The following PRKCH variants were observed in gnomAD, a reference collection of about 807,000 sequenced individuals.
The protein encoded by PRKCH is protein kinase C eta type.
Under a neutral mutation model 82.5 loss-of-function variants are expected in PRKCH, and 28 were observed. That is an observed-to-expected ratio of 0.34 (90% confidence interval 0.25 to 0.47). PRKCH has a LOEUF of 0.47. Ranked by LOEUF, PRKCH falls within the 20% of genes least tolerant of loss-of-function variation. The probability of loss-of-function intolerance (pLI) is 1.00; values close to 1 mark genes in which losing one functional copy is unlikely to be tolerated. For missense variants in PRKCH, 705 were observed against 881.8 expected (o/e 0.80, Z 2.54); for synonymous variants, 322 against 327.4 (o/e 0.98, Z 0.18).
At chr14:61,458,791 A>C (rs1385091369) in intron 9 of PRKCH, among the ~76,000 whole-genome samples, 2 of 152,048 alleles carry the variant, frequency 1.3e-5, no homozygotes, top group Non-Finnish European at 2.9e-5. Context: ...AAAGCTACAC[A>C]CTTTCAAACA....
At chr14:61,227,950 A>G (rs1020898538) in intron 1 of PRKCH, among the ~76,000 whole-genome samples, 1 of 152,182 alleles carries the variant, frequency 6.6e-6, no homozygotes, top group African/African-American at 2.4e-5. Flanking sequence ...TAAGTGTGGC[A>G]CCACAAACTT....
chr14:61,352,109 C>G (rs914464424), intron 1 of PRKCH, among the ~76,000 whole-genome samples: 24 of 152,108 alleles, frequency 1.6e-4, no homozygotes, highest in African/African-American at 5.6e-4. Flanking sequence ...CTGCTAACTG[C>G]TGTATGAACT....
intron 1 of PRKCH, 150 bp downstream of exon 1, chr14:61,322,614 T>C: frequency 8.8e-7 from 1 of 1,139,772 alleles, no homozygotes; most frequent in Non-Finnish European, 1.2e-6. Context: ...GCCGCGGCAC[T>C]GGTGACGCGA....
intron 9 of PRKCH, chr14:61,476,224 C>G (rs1297834229): frequency 1.3e-5 from 2 of 152,178 alleles, no homozygotes; most frequent in African/African-American, 4.8e-5. Context: ...AAAATGGTTC[C>G]TATTATGTTC....
At chr14:61,289,330 T>G (rs1379267519) in intron 1 of PRKCH, among the ~76,000 whole-genome samples, 1 of 152,214 alleles carries the variant, frequency 6.6e-6, no homozygotes, top group Non-Finnish European at 1.5e-5. Flanking sequence ...GTAGCCATCT[T>G]CAGCATCCTT....
intron 2 of PRKCH, among the ~76,000 whole-genome samples, chr14:61,424,900 TG>T (rs1435193773): frequency 7.9e-5 from 12 of 152,208 alleles, no homozygotes; most frequent in Non-Finnish European, 1.8e-4. Context: ...ACTCCAGTCA[TG>T]GCTAAAATGG....
chr14:61,433,291 T>A (rs1883511007), intron 2 of PRKCH, among the ~76,000 whole-genome samples: 1 of 152,102 alleles, frequency 6.6e-6, no homozygotes, highest in African/African-American at 2.4e-5. Flanking sequence ...CTAATATCCT[T>A]TAAGATTTTT....
intron 1 of PRKCH, among the ~76,000 whole-genome samples, chr14:61,287,396 A>G (rs368775319): frequency 5.7e-4 from 86 of 151,916 alleles, no homozygotes; most frequent in African/African-American, 2.1e-3. Context: ...TGTACTGGAA[A>G]GAAGAGAGGG....
At chr14:61,272,339 TCTTTC>T (rs1196240703) in intron 1 of PRKCH, among the ~76,000 whole-genome samples, 15 of 39,032 alleles carry the variant, frequency 3.8e-4, no homozygotes, top group African/African-American at 6.7e-4. Flanking sequence ...TTTTCTTTTT[TCTTTC>T]TTTTTTTTTT....
chr14:61,258,670 C>T (rs940168742), intron 1 of PRKCH, among the ~76,000 whole-genome samples: 1 of 152,142 alleles, frequency 6.6e-6, no homozygotes, highest in Non-Finnish European at 1.5e-5. Context: ...AATTAAAATG[C>T]CCAGACAATA....
At chr14:61,373,975 A>C (rs2046397334) in intron 1 of PRKCH, among the ~76,000 whole-genome samples, 2 of 152,134 alleles carry the variant, frequency 1.3e-5, no homozygotes, top group Admixed American at 1.3e-4. Context: ...GACAAAGGCA[A>C]GTCCCTTCCA....
intron 5 of PRKCH, among the ~76,000 whole-genome samples, chr14:61,449,884 CTCTCTCTCTCTCTCTCTGTGTGTGTG>C (rs1884409054): frequency 7.4e-6 from 1 of 135,362 alleles, no homozygotes; most frequent in Admixed American, 7.3e-5. Flanking sequence ...CTCTCTCTCT[CTCTCTCTCTCTCTCTCTGTGTGTGTG>C]TGTGTGTGTG....
intron 1 of PRKCH, among the ~76,000 whole-genome samples, chr14:61,386,917 A>G (rs1028255388): frequency 2.0e-5 from 3 of 152,220 alleles, no homozygotes; most frequent in Admixed American, 1.3e-4. Context: ...GACAAAAGGA[A>G]TTTATAGGCT....
intron 1 of PRKCH, among the ~76,000 whole-genome samples, chr14:61,252,006 A>T (rs1340331387): frequency 6.6e-6 from 1 of 151,838 alleles, no homozygotes; most frequent in Non-Finnish European, 1.5e-5. Context: ...CGCCCAGCTA[A>T]TTTCTGTATT....
Position 61,457,119 on chromosome 14 carries a change from A to G in PRKCH, c.961-57A>G, listed in dbSNP as rs996536676. On this transcript the variant is annotated intron_variant, in intron 7 of 13. Transcript: ENST00000332981. The stretch of plus-strand genomic sequence containing the variant: ...CCAGCCAATAAGGTCTTCTTCGTGC[A>G]TGGGTGCTCCATGCTTCTGCTGCAA... 29 of 1,587,100 alleles carry G rather than the reference A, an allele frequency of 1.8e-5. 1 individual carries two copies. The highest frequency in any genetic ancestry group is 6.7e-5 in the East Asian group (3 of 44,620).
At chr14:61,263,847 T>TTTTG (rs1299610392) in intron 1 of PRKCH, among the ~76,000 whole-genome samples, 2 of 144,194 alleles carry the variant, frequency 1.4e-5, no homozygotes, top group African/African-American at 2.6e-5. Context: ...AGTCAGAGTA[T>TTTTG]TGTGTGTGTG....
intron 13 of PRKCH, 21 bp downstream of exon 13, chr14:61,547,907 C>T (rs1215255231): frequency 1.2e-6 from 2 of 1,608,724 alleles, no homozygotes; most frequent in Non-Finnish European, 8.5e-7. Context: ...CAGGCTGTCA[C>T]AGAGACATTC....
At chr14:61,428,078 C>T (rs12888208) in intron 2 of PRKCH, among the ~76,000 whole-genome samples, 1,438 of 49,268 alleles carry the variant, frequency 0.029, 20 homozygotes, top group African/African-American at 0.086. Flanking sequence ...TAGATAGATA[C>T]ACACACACAC....
intron 1 of PRKCH, among the ~76,000 whole-genome samples, chr14:61,381,306 A>G (rs2046506492): frequency 6.6e-6 from 1 of 152,352 alleles, no homozygotes; most frequent in Admixed American, 6.5e-5. Flanking sequence ...GGCTTTAATC[A>G]GTAAAGTAAT....
Sources: gnomAD v4.1 joint callset for allele counts (sites outside exome capture counted in the v4.1 genomes callset) on GRCh38, gnomAD v4.1.1 for gene constraint, MANE v1.5 for transcripts, NCBI Gene and HGNC (gene_info 2026-07-23, HGNC 2026-07-21) for gene names.